The following ARHGEF26 variants were observed in gnomAD, a reference collection of about 807,000 sequenced individuals.
ARHGEF26 encodes Rho guanine nucleotide exchange factor 26, also known as Rho guanine nucleotide exchange factor (GEF) 26.
Under a neutral mutation model 89.4 loss-of-function variants are expected in ARHGEF26, and 59 were observed. The observed-to-expected ratio is 0.66, with a 90% CI of 0.54 to 0.82. The LOEUF (loss-of-function observed/expected upper bound fraction) is 0.82. ARHGEF26 is among the 40% of genes least tolerant of loss of function. ARHGEF26 has a pLI of 0.00. For missense variants in ARHGEF26, 1,234 were observed against 1,085.6 expected (o/e 1.14, Z -1.92); for synonymous variants, 500 against 428.4 (o/e 1.17, Z -2.06).
chr3:154,200,002 T>TG (rs1382128297), intron 9 of ARHGEF26, among the ~76,000 whole-genome samples: 1 of 152,124 alleles, frequency 6.6e-6, no homozygotes, highest in South Asian at 2.1e-4. Flanking sequence ...CCTTCTATTC[T>TG]GGGGGTTGTC....
intron 9 of ARHGEF26, among the ~76,000 whole-genome samples, chr3:154,204,105 C>T (rs1714846847): frequency 6.6e-6 from 1 of 151,954 alleles, no homozygotes; most frequent in African/African-American, 2.4e-5. Flanking sequence ...TAGAATTCAG[C>T]AGTGAGGCCA....
chr3:154,129,474 A>G, intron 3 of ARHGEF26, 100 bp from the exon 4 acceptor site: 6 of 1,298,624 alleles, frequency 4.6e-6, no homozygotes, highest in Non-Finnish European at 6.3e-6. Flanking sequence ...TCTGTTTATA[A>G]AATTGGAGGC....
intron 6 of ARHGEF26, among the ~76,000 whole-genome samples, chr3:154,184,266 C>T: frequency 6.6e-6 from 1 of 152,194 alleles, no homozygotes; most frequent in Non-Finnish European, 1.5e-5. Context: ...GCCACCGTGC[C>T]CGGCCTTTCA....
intron 6 of ARHGEF26, among the ~76,000 whole-genome samples, chr3:154,160,681 ATTGATTGG>A (rs1373465170): frequency 6.6e-6 from 1 of 152,134 alleles, no homozygotes; most frequent in Non-Finnish European, 1.5e-5. Context: ...TGATTGATTG[ATTGATTGG>A]TTCTTCCTTC....
At chr3:154,240,347 G>A in intron 11 of ARHGEF26, 23 bp from the exon 12 acceptor site, 2 of 1,558,656 alleles carry the variant, frequency 1.3e-6, no homozygotes, top group Non-Finnish European at 8.8e-7. Context: ...TAATTGACGT[G>A]TTCTTTTCCC....
intron 10 of ARHGEF26, among the ~76,000 whole-genome samples, chr3:154,222,980 C>T (rs1169182660): frequency 1.3e-5 from 2 of 152,248 alleles, no homozygotes; most frequent in Middle Eastern, 3.4e-3. Flanking sequence ...CCAAGAAGAT[C>T]GAAAACCAGA....
intron 6 of ARHGEF26, among the ~76,000 whole-genome samples, chr3:154,184,096 C>A (rs997433143): frequency 6.6e-6 from 1 of 151,960 alleles, no homozygotes; most frequent in Non-Finnish European, 1.5e-5. Context: ...CCGCAGCCTC[C>A]CGAGTAGCTG....
At chr3:154,136,577 T>C (rs1576688790) in intron 4 of ARHGEF26, among the ~76,000 whole-genome samples, 1 of 152,230 alleles carries the variant, frequency 6.6e-6, no homozygotes, top group African/African-American at 2.4e-5. Context: ...ATGGGACTTA[T>C]TATTTTAGAA....
At chr3:154,223,814 T>G (rs1716291596) in intron 10 of ARHGEF26, among the ~76,000 whole-genome samples, 1 of 152,182 alleles carries the variant, frequency 6.6e-6, no homozygotes, top group South Asian at 2.1e-4. Context: ...CACTGTATTC[T>G]ACACCCTTTG....
intron 5 of ARHGEF26, among the ~76,000 whole-genome samples, chr3:154,151,513 G>A (rs1365768783): frequency 1.3e-5 from 2 of 151,944 alleles, no homozygotes; most frequent in East Asian, 3.9e-4. Flanking sequence ...TCTTTAATTC[G>A]CTTTGTGTAT....
At chr3:154,215,321 A>G (rs185088119) in intron 9 of ARHGEF26, among the ~76,000 whole-genome samples, 1 of 151,812 alleles carries the variant, frequency 6.6e-6, no homozygotes, top group Non-Finnish European at 1.5e-5. Flanking sequence ...ACCTCTCAGG[A>G]GAGGGTCCTT....
chr3:154,183,131 C>T (rs752362923), intron 6 of ARHGEF26, among the ~76,000 whole-genome samples: 2 of 152,134 alleles, frequency 1.3e-5, no homozygotes, highest in Non-Finnish European at 2.9e-5. Context: ...AGACTACAAT[C>T]ATTTAAAGCA....
At chr3:154,150,444 CAT>C (rs1719954404) in intron 5 of ARHGEF26, among the ~76,000 whole-genome samples, 1 of 152,086 alleles carries the variant, frequency 6.6e-6, no homozygotes, top group African/African-American at 2.4e-5. Flanking sequence ...CATACACACA[CAT>C]ATTTGTGCAT....
chr3:154,207,248 G>A (rs1715078002), intron 9 of ARHGEF26, among the ~76,000 whole-genome samples: 1 of 152,090 alleles, frequency 6.6e-6, no homozygotes, highest in South Asian at 2.1e-4. Context: ...AGCAAAAATT[G>A]ACAAATGAGA....
chr3:154,121,828 G>C, intron 1 of ARHGEF26, 114 bp from the exon 2 acceptor site: 1 of 929,152 alleles, frequency 1.1e-6, no homozygotes, highest in Non-Finnish European at 1.6e-6. Context: ...GGGTAAGTGC[G>C]GTGCAGTCGT....
chr3:154,151,349 C>G (rs1161329203), intron 5 of ARHGEF26, among the ~76,000 whole-genome samples: 4 of 152,274 alleles, frequency 2.6e-5, no homozygotes, highest in Non-Finnish European at 5.9e-5. Context: ...TCTCAAAACC[C>G]TCAATTATCA....
chr3:154,161,103 T>G (rs1324209267), intron 6 of ARHGEF26, among the ~76,000 whole-genome samples: 2 of 2,080 alleles, frequency 9.6e-4, no homozygotes, highest in African/African-American at 2.7e-3. Context: ...GCCAGGTTTG[T>G]GTGTGTGTGT....
intron 12 of ARHGEF26, among the ~76,000 whole-genome samples, chr3:154,249,005 A>G (rs1038509082): frequency 2.6e-5 from 4 of 152,260 alleles, no homozygotes; most frequent in Non-Finnish European, 4.4e-5. Flanking sequence ...AAAGGTTCGA[A>G]GGACTTTAGA....
At position 154,256,743 on chromosome 3, in the gene ARHGEF26, G is replaced by A. The variant is rs1718543157; in HGVS notation, c.*1270G>A. The A allele has an allele frequency of 7.8e-6, 11 of 1,410,022 alleles. 1 individual carries two copies. The highest frequency in any genetic ancestry group is 1.7e-5 in the South Asian group (1 of 59,710). The allele number at this position is 1,410,022 out of a possible 1,614,324, so 87.3% of individuals were successfully genotyped here. A position where few individuals can be genotyped will look rare whatever the true frequency, so the allele number is the denominator to read the frequency against. On this transcript the variant is annotated 3_prime_UTR_variant, in exon 15 of 15. Coordinates refer to ENST00000465093, the MANE Select transcript of ARHGEF26 (RefSeq NM_015595.4). ...TTAAAAGATACCAAGAAGTCAGCAT[G>A]GTACCCAATTGAAACCTTTTGACCT...
Sources: gnomAD v4.1 joint callset for allele counts (sites outside exome capture counted in the v4.1 genomes callset) on GRCh38, gnomAD v4.1.1 for gene constraint, MANE v1.5 for transcripts, NCBI Gene and HGNC (gene_info 2026-07-23, HGNC 2026-07-21) for gene names.